BBX: variants seen among roughly 807,000 people sequenced by gnomAD.
BBX encodes the protein BBX high mobility group box domain containing.
Under a neutral mutation model 100.2 loss-of-function variants are expected in BBX, and 30 were observed. The observed-to-expected ratio is 0.30, with a 90% CI of 0.22 to 0.41. The LOEUF (loss-of-function observed/expected upper bound fraction) is 0.41, where lower values mean the gene tolerates loss of function less well. BBX is among the 10% of genes least tolerant of loss of function. The pLI is 1.00. For missense variants in BBX, 1,023 were observed against 1,129.8 expected (o/e 0.91, Z 1.35); for synonymous variants, 376 against 388.1 (o/e 0.97, Z 0.37).
intron 2 of BBX, among the ~76,000 whole-genome samples, chr3:107,627,550 G>T (rs950703606): frequency 1.3e-5 from 2 of 152,118 alleles, no homozygotes; most frequent in Non-Finnish European, 2.9e-5. Context: ...TCTTTAATTT[G>T]ATTACCACCT....
chr3:107,756,296 T>C (rs536248856), intron 10 of BBX, among the ~76,000 whole-genome samples: 4 of 152,142 alleles, frequency 2.6e-5, no homozygotes, highest in Non-Finnish European at 5.9e-5. Flanking sequence ...AATGGCTTTC[T>C]CTGCCAGGCT....
intron 5 of BBX, among the ~76,000 whole-genome samples, chr3:107,725,950 CA>C (rs1461864021): frequency 6.6e-6 from 1 of 152,000 alleles, no homozygotes; most frequent in Non-Finnish European, 1.5e-5. Context: ...ATCTTAGGAG[CA>C]ATAGCTTTTC....
chr3:107,695,925 G>T (rs540061016), intron 3 of BBX, among the ~76,000 whole-genome samples: 4 of 151,838 alleles, frequency 2.6e-5, no homozygotes, highest in Non-Finnish European at 4.4e-5. Flanking sequence ...TCTTCTTGTT[G>T]AATTGATCCG....
intron 3 of BBX, among the ~76,000 whole-genome samples, chr3:107,673,091 TTG>T (rs1456020583): frequency 1.3e-5 from 2 of 152,046 alleles, no homozygotes; most frequent in African/African-American, 4.8e-5. Flanking sequence ...TTCTATAATT[TTG>T]TGATTTTGAA....
At chr3:107,641,457 C>T (rs2107769134) in intron 2 of BBX, among the ~76,000 whole-genome samples, 1 of 152,244 alleles carries the variant, frequency 6.6e-6, no homozygotes, top group East Asian at 1.9e-4. Context: ...GCAAATCTTT[C>T]ATCTGCTGTT....
In BBX at chr3:107,700,274, T is replaced by C. The variant is rs115281596; in HGVS notation, c.-9-10178T>C. Among the ~76,000 whole-genome samples, 550 of 151,716 alleles carry C rather than the reference T, an allele frequency of 3.6e-3. 11 individuals are homozygous for C. The highest frequency in any genetic ancestry group is 0.013 in the African/African-American group (526 of 41,070). On this transcript the variant is annotated intron_variant, in intron 3 of 17. Transcript: ENST00000325805. ...GTGTGGTGAGGGAAGGAGTTGACCT[T>C]GAATCTCTACCTTTGAAAGAAAACA...
At chr3:107,606,438 T>C (rs1233156200) in intron 2 of BBX, among the ~76,000 whole-genome samples, 2 of 152,202 alleles carry the variant, frequency 1.3e-5, no homozygotes, top group African/African-American at 2.4e-5. Context: ...GTTGATTGTG[T>C]TCCTTCATAG....
At position 107,717,645 on chromosome 3, in the gene BBX, C is replaced by G. The variant is rs550792557; in HGVS notation, c.405+796C>G. Among the ~76,000 whole-genome samples the G allele has an allele frequency of 7.9e-5, 12 of 152,168 alleles. No individual in the cohort carries two copies. The East Asian group carries it at 2.1e-3, about 27-fold the overall frequency. On this transcript the variant is annotated intron_variant, in intron 5 of 17. Coordinates refer to ENST00000325805, the MANE Select transcript of BBX (RefSeq NM_001142568.3). ...TGGGAAGCATTTCCATGTAGGAAGG[C>G]TATTCAGAAAGGTGGGACATTAATC...
At position 107,597,430 on chromosome 3, in the gene BBX, A is replaced by G. The variant is rs146752263; in HGVS notation, c.-83-48406A>G. Among the ~76,000 whole-genome samples, 29 of 152,316 alleles carry G rather than the reference A, an allele frequency of 1.9e-4. No individual in the cohort carries two copies. The East Asian group carries it at 5.6e-3, about 29-fold the overall frequency. ...TGTAAATTGCAAAGCTTTGAAAAAT[A>G]TTAGAGATAAAAATACAGTTTTACT... On this transcript the variant is annotated intron_variant, in intron 2 of 17. Transcript: ENST00000325805.
intron 3 of BBX, among the ~76,000 whole-genome samples, chr3:107,668,988 A>G (rs1244573825): frequency 1.3e-5 from 2 of 152,060 alleles, no homozygotes; most frequent in Non-Finnish European, 2.9e-5. Flanking sequence ...TCCCCCTCCC[A>G]CATTCAGAGG....
intron 10 of BBX, 150 bp from the exon 11 acceptor site, chr3:107,772,478 C>A: frequency 1.3e-6 from 1 of 773,546 alleles, no homozygotes; most frequent in Non-Finnish European, 2.0e-6. Context: ...TGATTCATTT[C>A]AGTTAGTTTG....
chr3:107,780,718 A>G (rs1285890223), intron 13 of BBX, among the ~76,000 whole-genome samples: 3 of 152,082 alleles, frequency 2.0e-5, no homozygotes, highest in Admixed American at 1.3e-4. Context: ...AAGAAATAGT[A>G]TTTGTGACTG....
At chr3:107,672,119 A>T (rs187232481) in intron 3 of BBX, among the ~76,000 whole-genome samples, 4 of 152,182 alleles carry the variant, frequency 2.6e-5, no homozygotes, top group African/African-American at 9.6e-5. Context: ...GCATAATCTT[A>T]TGTCTGGACT....
intron 2 of BBX, among the ~76,000 whole-genome samples, chr3:107,532,102 G>A (rs528923844): frequency 1.3e-5 from 2 of 152,114 alleles, no homozygotes; most frequent in African/African-American, 4.8e-5. Flanking sequence ...GCTGAGGTGG[G>A]AGGATCACTT....
chr3:107,751,249 C>T (rs1223493374), intron 9 of BBX, among the ~76,000 whole-genome samples: 1 of 152,038 alleles, frequency 6.6e-6, no homozygotes, highest in African/African-American at 2.4e-5. Context: ...ATTCCTGGTC[C>T]TATTATATAC....
intron 2 of BBX, among the ~76,000 whole-genome samples, chr3:107,594,933 C>T (rs1016442151): frequency 6.6e-6 from 1 of 152,000 alleles, no homozygotes; most frequent in Non-Finnish European, 1.5e-5. Flanking sequence ...ATAATTTGCT[C>T]ACAGTTATTA....
At chr3:107,649,211 C>G (rs1417410528) in intron 3 of BBX, among the ~76,000 whole-genome samples, 1 of 152,176 alleles carries the variant, frequency 6.6e-6, no homozygotes, top group Admixed American at 6.5e-5. Flanking sequence ...TTACCTCCCA[C>G]CAGGTCCGTC....
At chr3:107,701,980 A>T (rs2061092730) in intron 3 of BBX, among the ~76,000 whole-genome samples, 2 of 152,240 alleles carry the variant, frequency 1.3e-5, no homozygotes, top group Admixed American at 1.3e-4. Context: ...GTTGAGAAAC[A>T]GAATTTATAA....
Position 107,809,398 on chromosome 3 carries a change from G to A in BBX, c.*3941G>A, listed in dbSNP as rs933856857. 6.6e-6 allele frequency: 1 copy of A among 152,344 alleles called. No individual in the cohort carries two copies. Among genetic ancestry groups the A allele is most frequent in the Non-Finnish European group, 1.5e-5 (1 of 68,138 alleles). The allele number at this position is 152,344 out of a possible 1,614,324, so 9.4% of individuals were successfully genotyped here. A position where few individuals can be genotyped will look rare whatever the true frequency, so the allele number is the denominator to read the frequency against. On this transcript the variant is annotated 3_prime_UTR_variant, in exon 18 of 18. Coordinates refer to ENST00000325805, the MANE Select transcript of BBX (RefSeq NM_001142568.3). ...GAGAAGCACCCACCACTTCATCTGG[G>A]AAAAGGAAGGAAATTGCAGGAGGCC...
Sources: gnomAD v4.1 joint callset for allele counts (sites outside exome capture counted in the v4.1 genomes callset) on GRCh38, gnomAD v4.1.1 for gene constraint, MANE v1.5 for transcripts, NCBI Gene and HGNC (gene_info 2026-07-23, HGNC 2026-07-21) for gene names.